FUT8: variants seen among roughly 807,000 people sequenced by gnomAD.
The protein encoded by FUT8 is alpha-(1,6)-fucosyltransferase.
FUT8 carries 29 observed loss-of-function variants against 71.3 expected under a neutral mutation model. That is an observed-to-expected ratio of 0.41 (90% CI 0.30 to 0.55). The LOEUF (loss-of-function observed/expected upper bound fraction) is 0.55. Among genes scored for constraint, FUT8 ranks in the 20% least tolerant of loss-of-function variants. FUT8 has a pLI of 0.34. For synonymous variants in FUT8, 254 were observed against 239.3 expected, an observed-to-expected ratio of 1.06 and a Z score of -0.57; for missense variants, 544 against 702.1, an observed-to-expected ratio of 0.77 and a Z score of 2.55.
intron 7 of FUT8, among the ~76,000 whole-genome samples, chr14:65,684,581 T>C (rs1290374372): frequency 1.3e-5 from 2 of 152,234 alleles, no homozygotes; most frequent in Non-Finnish European, 2.9e-5. Flanking sequence ...TGCTTTGATA[T>C]GGTTTAGCTT....
chr14:65,597,636 C>A (rs942575541), intron 3 of FUT8, among the ~76,000 whole-genome samples: 2 of 145,208 alleles, frequency 1.4e-5, no homozygotes, highest in Admixed American at 1.4e-4. Flanking sequence ...AAAAAAAAAA[C>A]ATAAATAAAA....
chr14:65,493,016 C>T (rs1284192198), intron 2 of FUT8, among the ~76,000 whole-genome samples: 1 of 152,074 alleles, frequency 6.6e-6, no homozygotes, highest in African/African-American at 2.4e-5. Flanking sequence ...CTTGGGCTCT[C>T]CAATAGTTGC....
intron 2 of FUT8, among the ~76,000 whole-genome samples, chr14:65,458,375 G>A (rs1054305425): frequency 6.6e-6 from 1 of 152,134 alleles, no homozygotes; most frequent in African/African-American, 2.4e-5. Flanking sequence ...TACTTAAAGA[G>A]GGTAAAGGTT....
At chr14:65,600,906 C>T (rs113963824) in intron 3 of FUT8, among the ~76,000 whole-genome samples, 1,641 of 152,234 alleles carry the variant, frequency 0.011, 31 homozygotes, top group African/African-American at 0.038. Flanking sequence ...GACAACTATT[C>T]GTTCTACATT....
In FUT8 at chr14:65,603,450, T is replaced by C. The variant is rs1348294804; in HGVS notation, c.204-12528T>C. On this transcript the variant is annotated intron_variant, in intron 3 of 10. Coordinates refer to ENST00000673929, the MANE Select transcript of FUT8 (RefSeq NM_001371533.1). This position sits in a 1 kb window ranked among gnomAD's most constrained non-coding sequence, Gnocchi z 4.5. Reference sequence around the variant, plus strand: ...TGTTCTTTTTGCTCAGTCTTGGCTTTGGCTTTGTGGGCTCTTTTTTGGTTC... The same window carrying C: ...TGTTCTTTTTGCTCAGTCTTGGCTTCGGCTTTGTGGGCTCTTTTTTGGTTC... 6.6e-6 allele frequency among the ~76,000 whole-genome samples: 1 copy of C among 151,868 alleles called. No homozygotes were observed. The highest frequency in any genetic ancestry group is 6.6e-5 in the Admixed American group (1 of 15,200).
At chr14:65,683,013 A>ATTT (rs386364141) in intron 7 of FUT8, among the ~76,000 whole-genome samples, 6 of 141,002 alleles carry the variant, frequency 4.3e-5, no homozygotes, top group Non-Finnish European at 6.2e-5. Flanking sequence ...AGTAATTGCA[A>ATTT]TTTTTTTTTT....
At chr14:65,623,252 C>T (rs927073340) in intron 5 of FUT8, among the ~76,000 whole-genome samples, 2 of 151,976 alleles carry the variant, frequency 1.3e-5, no homozygotes, top group Non-Finnish European at 2.9e-5. Context: ...GTGTTTGGTT[C>T]CTCAGTGGCA....
At chr14:65,691,755 G>C (rs549724590) in intron 7 of FUT8, among the ~76,000 whole-genome samples, 1 of 151,698 alleles carries the variant, frequency 6.6e-6, no homozygotes, top group Non-Finnish European at 1.5e-5. Context: ...GCGGCCTTCT[G>C]CAGTGTTTGT....
In FUT8 at chr14:65,743,677, C is replaced by A. The variant is rs545593880; in HGVS notation, c.*1267C>A. ...CTTGGTGACCAAGTGAGAAGCGGGA[C>A]CAATGGGAGACTCACAATGGACTGA... On this transcript the variant is annotated 3_prime_UTR_variant, in exon 11 of 11. Transcript: ENST00000673929. The A allele has an allele frequency of 6.6e-6, 1 of 151,810 alleles. No individual in the cohort carries two copies. Among genetic ancestry groups the A allele is most frequent in the South Asian group, 2.1e-4 (1 of 4,816 alleles). The allele number at this position is 151,810 out of a possible 1,614,324, so 9.4% of individuals were successfully genotyped here. A position where few individuals can be genotyped will look rare whatever the true frequency, so the allele number is the denominator to read the frequency against.
intron 1 of FUT8, among the ~76,000 whole-genome samples, chr14:65,446,140 G>A (rs2065738119): frequency 6.6e-6 from 1 of 152,112 alleles, no homozygotes; most frequent in Non-Finnish European, 1.5e-5. Context: ...CGTCTTTTAA[G>A]CCTTTTAATC....
intron 1 of FUT8, among the ~76,000 whole-genome samples, chr14:65,446,526 A>C (rs1413209105): frequency 2.0e-5 from 3 of 152,212 alleles, no homozygotes; most frequent in African/African-American, 7.2e-5. Context: ...TACTTAGCAT[A>C]CTTCCATAGA....
chr14:65,560,211 A>G (rs1885835156), intron 2 of FUT8, among the ~76,000 whole-genome samples: 1 of 148,530 alleles, frequency 6.7e-6, no homozygotes, highest in African/African-American at 2.5e-5. Context: ...TTTGTGGTCA[A>G]GTGCCCCTCA....
the FUT8 span, among the ~76,000 whole-genome samples, chr14:65,389,520 C>T: frequency 6.6e-6 from 1 of 151,994 alleles, no homozygotes; most frequent in African/African-American, 2.4e-5. Flanking sequence ...ACCATATTGG[C>T]CAGGCTGGTC....
intron 6 of FUT8, among the ~76,000 whole-genome samples, chr14:65,639,936 C>A (rs957276019): frequency 6.6e-6 from 1 of 152,098 alleles, no homozygotes; most frequent in Non-Finnish European, 1.5e-5. Flanking sequence ...TGTTTAAAAT[C>A]ATCAAATAAC....
At chr14:65,677,151 T>TGTGTGCGTGCGCGCGCGC in intron 7 of FUT8, among the ~76,000 whole-genome samples, 1 of 110,702 alleles carries the variant, frequency 9.0e-6, no homozygotes, top group South Asian at 3.0e-4. Context: ...TGTGTGTGTG[T>TGTGTGCGTGCGCGCGCGC]GCGCGCGCGC....
chr14:65,666,825 C>T (rs895955175), intron 6 of FUT8, among the ~76,000 whole-genome samples: 3 of 152,070 alleles, frequency 2.0e-5, no homozygotes, highest in Non-Finnish European at 4.4e-5. Context: ...GTTAATTCAC[C>T]GCGATCAAAT....
intron 9 of FUT8, among the ~76,000 whole-genome samples, chr14:65,725,222 A>G (rs1004755187): frequency 2.6e-5 from 4 of 152,174 alleles, no homozygotes; most frequent in Non-Finnish European, 5.9e-5. Context: ...AACAGTAACA[A>G]TTATTTTTTG....
chr14:65,411,119 A>G (rs2065119326), upstream of FUT8: 1 of 152,226 alleles, frequency 6.6e-6, no homozygotes, highest in Non-Finnish European at 1.5e-5. Context: ...TGTCCTGCTT[A>G]TACGTTTAGT....
chr14:65,568,582 T>A (rs147993442), intron 3 of FUT8, among the ~76,000 whole-genome samples: 1 of 151,852 alleles, frequency 6.6e-6, no homozygotes. Flanking sequence ...ATTGGGCTAT[T>A]CTGTTTATCT....
Sources: allele counts gnomAD v4.1 joint callset (sites outside exome capture counted in the v4.1 genomes callset), GRCh38; gene constraint gnomAD v4.1.1; non-coding constraint Gnocchi (gnomAD v3.1); transcripts MANE v1.5; gene names NCBI Gene and HGNC (gene_info 2026-07-23, HGNC 2026-07-21).